TMEM132D: variants seen among roughly 807,000 people sequenced by gnomAD.
TMEM132D encodes transmembrane protein 132D.
In TMEM132D, 21 loss-of-function variants were observed where a neutral mutation model predicts 62.3. The observed-to-expected ratio is 0.34, with a 90% CI of 0.24 to 0.49. The LOEUF is 0.49. TMEM132D is among the 20% of genes least tolerant of loss of function. The pLI is 0.99. For synonymous variants in TMEM132D, 621 were observed against 575.6 expected, an observed-to-expected ratio of 1.08 and a Z score of -1.13; for missense variants, 1,346 against 1,402.8, an observed-to-expected ratio of 0.96 and a Z score of 0.65.
At chr12:129,272,851 A>T (rs1201684807) in intron 4 of TMEM132D, among the ~76,000 whole-genome samples, 1 of 151,810 alleles carries the variant, frequency 6.6e-6, no homozygotes, top group Non-Finnish European at 1.5e-5. Context: ...ATCTAAGGTC[A>T]GGAGTTCGAA....
intron 1 of TMEM132D, among the ~76,000 whole-genome samples, chr12:129,754,706 T>G (rs2137270109): frequency 6.6e-6 from 1 of 152,318 alleles, no homozygotes; most frequent in Middle Eastern, 3.4e-3. Flanking sequence ...ACCAAAGTGC[T>G]TTTTACTTAA....
chr12:129,808,600 G>A (rs896833409), intron 1 of TMEM132D, among the ~76,000 whole-genome samples: 1 of 152,194 alleles, frequency 6.6e-6, no homozygotes, highest in Non-Finnish European at 1.5e-5. Context: ...TAAAGCAACA[G>A]CTGATAAGAA....
At chr12:129,393,757 A>C (rs1566055265) in intron 3 of TMEM132D, among the ~76,000 whole-genome samples, 2 of 152,156 alleles carry the variant, frequency 1.3e-5, no homozygotes, top group South Asian at 4.1e-4. Flanking sequence ...CGCCAAACTG[A>C]GGTTGTTTTC....
chr12:129,849,576 C>T (rs1873467630), intron 1 of TMEM132D, among the ~76,000 whole-genome samples: 7 of 152,180 alleles, frequency 4.6e-5, no homozygotes, highest in Admixed American at 4.6e-4. Flanking sequence ...ACCATTGACA[C>T]TCCCACCAAA....
At chr12:129,265,714 C>T (rs74979542) in intron 4 of TMEM132D, among the ~76,000 whole-genome samples, 3,037 of 152,068 alleles carry the variant, frequency 0.02, 109 homozygotes, top group African/African-American at 0.069. Flanking sequence ...GGTTGCTACA[C>T]TTTCTGCTTG....
At chr12:129,662,110 A>G (rs1018094430) in intron 2 of TMEM132D, among the ~76,000 whole-genome samples, 7 of 152,242 alleles carry the variant, frequency 4.6e-5, no homozygotes, top group Admixed American at 2.0e-4. Flanking sequence ...TAAATCATAC[A>G]TGATCTGAAT....
At position 129,483,671 on chromosome 12, in the gene TMEM132D, C is replaced by G. The variant is rs575016701; in HGVS notation, c.1115+47388G>C. On this transcript the variant is annotated intron_variant, in intron 3 of 8. Coordinates refer to ENST00000422113, the MANE Select transcript of TMEM132D (RefSeq NM_133448.3). ...GCCAGCAGTTGGCTTTTCACAGAGG[C>G]TGAAACGAAACGTGTGGCTTCTGCC... Among the ~76,000 whole-genome samples, 3 of 152,302 alleles carry G rather than the reference C, an allele frequency of 2.0e-5. No homozygotes were observed. In the South Asian group the frequency reaches 6.2e-4, roughly 32 times the overall value.
intron 5 of TMEM132D, among the ~76,000 whole-genome samples, chr12:129,136,166 G>T (rs1876550776): frequency 6.6e-6 from 1 of 152,078 alleles, no homozygotes; most frequent in African/African-American, 2.4e-5. Flanking sequence ...AGTAATTTTA[G>T]AATTAAAGAG....
At chr12:129,390,144 C>T (rs1871253812) in intron 3 of TMEM132D, among the ~76,000 whole-genome samples, 3 of 152,194 alleles carry the variant, frequency 2.0e-5, no homozygotes, top group Admixed American at 6.5e-5. Flanking sequence ...TTTCCAGTTG[C>T]CAATAGCTTT....
intron 1 of TMEM132D, chr12:129,853,204 G>A (rs1166332828): frequency 6.6e-6 from 1 of 152,214 alleles, no homozygotes; most frequent in Non-Finnish European, 1.5e-5. Context: ...AGAGGGAAAG[G>A]GGAGAGACTG....
chr12:129,836,744 A>G (rs2137339651), intron 1 of TMEM132D, among the ~76,000 whole-genome samples: 1 of 152,114 alleles, frequency 6.6e-6, no homozygotes, highest in African/African-American at 2.4e-5. Flanking sequence ...GAGATGAATT[A>G]CTGCAGTAAA....
chr12:129,311,687 G>C (rs1056212840), intron 4 of TMEM132D, among the ~76,000 whole-genome samples: 16 of 152,210 alleles, frequency 1.1e-4, no homozygotes, highest in Admixed American at 2.6e-4. Context: ...GGGCGACACT[G>C]ATTACCTCAT....
chr12:129,295,049 T>C (rs1170403927), intron 4 of TMEM132D, among the ~76,000 whole-genome samples: 1 of 152,192 alleles, frequency 6.6e-6, no homozygotes, highest in African/African-American at 2.4e-5. Context: ...CTCCATAATG[T>C]GGGTGGGCCT....
chr12:129,305,891 A>G (rs1881836438), intron 4 of TMEM132D, among the ~76,000 whole-genome samples: 1 of 152,234 alleles, frequency 6.6e-6, no homozygotes, highest in South Asian at 2.1e-4. Flanking sequence ...CAAATTGTAG[A>G]TACAAAGCAG....
chr12:129,198,609 A>G (rs1033240526), intron 5 of TMEM132D, among the ~76,000 whole-genome samples: 1 of 152,230 alleles, frequency 6.6e-6, no homozygotes, highest in Non-Finnish European at 1.5e-5. Flanking sequence ...AACTAAAACA[A>G]TGGATGTCAT....
At chr12:129,526,354 G>A (rs1048102472) in intron 3 of TMEM132D, among the ~76,000 whole-genome samples, 9 of 152,008 alleles carry the variant, frequency 5.9e-5, no homozygotes, top group African/African-American at 9.7e-5. Context: ...GCATGATCTC[G>A]GCTCACCTCA....
chr12:129,610,277 CA>C (rs34621276), intron 2 of TMEM132D, among the ~76,000 whole-genome samples: 51,437 of 108,494 alleles, frequency 0.47, 9,097 homozygotes, highest in Middle Eastern at 0.57. Flanking sequence ...GGCTCTGTCT[CA>C]AAAAAAAAAA....
chr12:129,295,489 G>A (rs1881552560), intron 4 of TMEM132D, among the ~76,000 whole-genome samples: 1 of 147,420 alleles, frequency 6.8e-6, no homozygotes, highest in Admixed American at 6.8e-5. Context: ...GGAGTGCAGT[G>A]GCGTGATCTC....
intron 4 of TMEM132D, among the ~76,000 whole-genome samples, chr12:129,313,855 C>A (rs1868394984): frequency 6.6e-6 from 1 of 152,124 alleles, no homozygotes; most frequent in African/African-American, 2.4e-5. Flanking sequence ...ATGTTCACTG[C>A]ATCCACACCA....
Sources: allele counts gnomAD v4.1 joint callset (sites outside exome capture counted in the v4.1 genomes callset), GRCh38; gene constraint gnomAD v4.1.1; transcripts MANE v1.5; gene names NCBI Gene and HGNC (gene_info 2026-07-23, HGNC 2026-07-21).